Variants in MEGF6 observed in about 807,000 individuals in gnomAD.
MEGF6 encodes multiple epidermal growth factor-like domains protein 6.
Under a neutral mutation model 207.1 loss-of-function variants are expected in MEGF6, and 184 were observed. That is an observed-to-expected ratio of 0.89 (90% confidence interval 0.79 to 1.00). The LOEUF is 1.00. Among genes scored for constraint, MEGF6 ranks in the 50% least tolerant of loss-of-function variants. The pLI is 0.00. For missense variants in MEGF6, 2,282 were observed against 2,202.9 expected (o/e 1.04, Z -0.72); for synonymous variants, 1,038 against 910.0 (o/e 1.14, Z -2.53).
intron 5 of MEGF6, among the ~76,000 whole-genome samples, chr1:3,520,847 CAAGGCCCCTCTGGAGTGTTTT>C (rs1480283945): frequency 2.0e-5 from 3 of 152,332 alleles, no homozygotes; most frequent in Non-Finnish European, 2.9e-5. Context: ...AAGTACGTTT[CAAGGCCCCTCTGGAGTGTTTT>C]AAGGCCCCCC....
intron 17 of MEGF6, 80 bp from the exon 18 acceptor site, chr1:3,502,001 T>A (rs2821030): frequency 2.9e-6 from 3 of 1,036,584 alleles, no homozygotes; most frequent in Non-Finnish European, 3.6e-6. Context: ...GGGCTCCTGG[T>A]GAGTGTGCCC....
chr1:3,509,013 C>A, intron 12 of MEGF6, 62 bp downstream of exon 12: 1 of 1,450,114 alleles, frequency 6.9e-7, no homozygotes, highest in Non-Finnish European at 9.1e-7. Context: ...CAGCCTAGCC[C>A]GAGGGGTCGC....
At chr1:3,602,659 C>G in intron 1 of MEGF6, 59 bp from the exon 2 acceptor site, 1 of 1,550,668 alleles carries the variant, frequency 6.4e-7, no homozygotes, top group Non-Finnish European at 8.7e-7. Context: ...AACACCCACC[C>G]CTCCTGCACC....
At chr1:3,601,099 C>T (rs182375919) in intron 2 of MEGF6, among the ~76,000 whole-genome samples, 191 of 152,336 alleles carry the variant, frequency 1.3e-3, no homozygotes, top group Admixed American at 9.5e-3. Context: ...CTGAGGACCC[C>T]GGCACATCGG....
At chr1:3,617,827 C>T in the MEGF6 span, among the ~76,000 whole-genome samples, 2 of 152,102 alleles carry the variant, frequency 1.3e-5, no homozygotes, top group Non-Finnish European at 2.9e-5. Context: ...GCGTGGAGAC[C>T]GAGGCGATGT....
At chr1:3,515,378 C>G in intron 6 of MEGF6, 24 bp downstream of exon 6, 2 of 1,600,518 alleles carry the variant, frequency 1.2e-6, no homozygotes, top group Non-Finnish European at 1.7e-6. Context: ...CCCAGGTCCT[C>G]CCTCCCAGGC....
intron 4 of MEGF6, among the ~76,000 whole-genome samples, chr1:3,532,802 G>C (rs557039391): frequency 6.6e-6 from 1 of 152,206 alleles, no homozygotes; most frequent in Non-Finnish European, 1.5e-5. Flanking sequence ...GTAGAGCTGT[G>C]GGGAAGAAGG....
At chr1:3,582,258 A>T (rs1434116026) in intron 3 of MEGF6, among the ~76,000 whole-genome samples, 1 of 152,208 alleles carries the variant, frequency 6.6e-6, no homozygotes, top group Admixed American at 6.5e-5. Context: ...TACAGCCACA[A>T]GATGTTCCCC....
At chr1:3,495,011 T>C (rs1640541625) in intron 30 of MEGF6, among the ~76,000 whole-genome samples, 1 of 152,182 alleles carries the variant, frequency 6.6e-6, no homozygotes, top group Non-Finnish European at 1.5e-5. Flanking sequence ...CTGCCCAGCC[T>C]GCAGGAAGGG....
chr1:3,513,546 G>T (rs1484202437), intron 7 of MEGF6, among the ~76,000 whole-genome samples: 1 of 148,188 alleles, frequency 6.7e-6, no homozygotes, highest in Non-Finnish European at 1.5e-5. Flanking sequence ...TCAAAGTGCT[G>T]GGATTACAGG....
At chr1:3,515,928 G>A (rs982391844) in intron 5 of MEGF6, among the ~76,000 whole-genome samples, 2 of 152,202 alleles carry the variant, frequency 1.3e-5, no homozygotes, top group Admixed American at 6.5e-5. Context: ...CTCCCTGGAG[G>A]AGGACGCAGG....
chr1:3,537,345 G>A (rs1642363869), intron 4 of MEGF6, among the ~76,000 whole-genome samples: 1 of 152,270 alleles, frequency 6.6e-6, no homozygotes, highest in African/African-American at 2.4e-5. Flanking sequence ...GAGGGTATGA[G>A]AGAAAGGAGT....
rs2100933079 is a variant in MEGF6 at position 3,501,212 on chromosome 1, C to T, written c.2411G>A (p.Cys804Tyr). 6.2e-7 allele frequency: 1 copy of T among 1,612,248 alleles called. No homozygotes were observed. Among genetic ancestry groups the T allele is most frequent in the Non-Finnish European group, 8.5e-7 (1 of 1,179,774 alleles). ...GCGGCTGCCGACGAAGCCAGGGAGG[C>T]ACAGGCAGGCTCCGGTCTCAGGGTC... ...RCDPETGACL[C>Y]LPGFVGSRCQ... The change falls in exon 19 of 37, where the codon TGC becomes TAC. Residue 804 changes from cysteine to tyrosine, a missense_variant. Transcript: ENST00000356575.
chr1:3,600,071 G>A (rs892044797), intron 2 of MEGF6, among the ~76,000 whole-genome samples: 3 of 152,100 alleles, frequency 2.0e-5, no homozygotes, highest in Non-Finnish European at 4.4e-5. Context: ...GTGGGGTCCC[G>A]CCTCAGCTGC....
Position 3,524,731 on chromosome 1 carries a change from T to C in MEGF6, c.482-485A>G, listed in dbSNP as rs139695107. On this transcript the variant is annotated intron_variant, in intron 4 of 36. Coordinates refer to ENST00000356575, the MANE Select transcript of MEGF6 (RefSeq NM_001409.4). Reference sequence around the variant, plus strand: ...GCTTCAAGAGTGTCCCCGCAGTTCATGGCCATCTGGAGCCTTCCAGTGAGG... The same window carrying C: ...GCTTCAAGAGTGTCCCCGCAGTTCACGGCCATCTGGAGCCTTCCAGTGAGG... Among the ~76,000 whole-genome samples, 25 of 152,292 alleles carry C rather than the reference T, an allele frequency of 1.6e-4. 1 individual carries two copies. The East Asian group carries it at 3.5e-3, about 21-fold the overall frequency.
At chr1:3,581,411 A>G (rs1402752470) in intron 3 of MEGF6, among the ~76,000 whole-genome samples, 2 of 152,138 alleles carry the variant, frequency 1.3e-5, no homozygotes, top group Admixed American at 6.5e-5. Context: ...GATGTGTCCG[A>G]ACGCGATAGG....
rs1378101646 is a variant in MEGF6, at chr1:3,494,678, A to G, written c.3935T>C (p.Leu1312Pro). ...GCAGCTGCCGTTGCTGGCGTGGCACAGGCCCCCATTTCTGCAGGAGCAGGT... is the reference window on the plus strand; with the variant it reads ...GCAGCTGCCGTTGCTGGCGTGGCACGGGCCCCCATTTCTGCAGGAGCAGGT... ...EHTCSCRNGG[L>P]CHASNGSCSC... The change falls in exon 31 of 37, where the codon CTG becomes CCG. Residue 1312 changes from leucine (L) to proline (P), a missense_variant. Coordinates refer to ENST00000356575, the MANE Select transcript of MEGF6 (RefSeq NM_001409.4). The G allele has an allele frequency of 1.2e-5, 19 of 1,573,108 alleles. No individual in the cohort carries two copies. The highest frequency in any genetic ancestry group is 1.6e-5 in the Non-Finnish European group (18 of 1,160,550).
intron 4 of MEGF6, among the ~76,000 whole-genome samples, chr1:3,561,608 G>T (rs1249107963): frequency 6.6e-6 from 1 of 152,160 alleles, no homozygotes; most frequent in Non-Finnish European, 1.5e-5. Flanking sequence ...CAGGAGCCAG[G>T]TCTGGATTCA....
At position 3,538,696 on chromosome 1, in the gene MEGF6, C is replaced by CTGTGTGTGTGTGTGTG. The variant is rs57325073; in HGVS notation, c.482-14466_482-14451dup. The stretch of plus-strand genomic sequence containing the variant: ...TGCTGCCGGCCAGCAGAGCATGTGC[C>CTGTGTGTGTGTGTGTG]TGTGTGTGTGTGTGTGTGTGTGTGT... On this transcript the variant is annotated intron_variant, in intron 4 of 36. Coordinates refer to ENST00000356575, the MANE Select transcript of MEGF6 (RefSeq NM_001409.4). Among the ~76,000 whole-genome samples, 239 of 132,102 alleles carry CTGTGTGTGTGTGTGTG rather than the reference C, an allele frequency of 1.8e-3. 2 individuals are homozygous for CTGTGTGTGTGTGTGTG. The highest frequency in any genetic ancestry group is 6.1e-3 in the East Asian group (24 of 3,962). The allele number at this position is 132,102 out of a possible 152,430, so 86.7% of individuals were successfully genotyped here. A position where few individuals can be genotyped will look rare whatever the true frequency, so the allele number is the denominator to read the frequency against.
Sources: allele counts gnomAD v4.1 joint callset (sites outside exome capture counted in the v4.1 genomes callset), GRCh38; gene constraint gnomAD v4.1.1; transcripts MANE v1.5; gene names NCBI Gene and HGNC (gene_info 2026-07-23, HGNC 2026-07-21).